Variants in RBFOX1 observed in about 807,000 individuals in gnomAD.
The protein encoded by RBFOX1 is RNA binding fox-1 homolog 1, also known as RNA binding protein fox-1 homolog 1.
Under a neutral mutation model 57.7 loss-of-function variants are expected in RBFOX1, and 8 were observed. The ratio of observed to expected loss-of-function variants is 0.14; its 90% CI spans 0.08 to 0.25. The LOEUF (loss-of-function observed/expected upper bound fraction) is 0.25. RBFOX1 is among the 10% of genes least tolerant of loss of function. The pLI, the probability that RBFOX1 is intolerant of heterozygous loss-of-function variation, is 1.00. For missense variants in RBFOX1, 611 were observed against 548.5 expected, an observed-to-expected ratio of 1.11 and a Z score of -1.14; for synonymous variants, 326 against 222.4, an observed-to-expected ratio of 1.47 and a Z score of -4.15.
intron 3 of RBFOX1, among the ~76,000 whole-genome samples, chr16:5,853,385 G>A (rs751983020): frequency 2.0e-5 from 3 of 152,268 alleles, no homozygotes; most frequent in Admixed American, 6.5e-5. Context: ...GAGCGTGTTG[G>A]AGTCCTGCCC....
At chr16:5,332,257 CTTTAT>C (rs146069773) in intron 1 of RBFOX1, among the ~76,000 whole-genome samples, 17 of 151,696 alleles carry the variant, frequency 1.1e-4, no homozygotes, top group East Asian at 5.9e-4. Flanking sequence ...TCAAAGGAAA[CTTTAT>C]TTTATTTTAT....
At chr16:7,539,861 A>C (rs953550787) in intron 5 of RBFOX1, among the ~76,000 whole-genome samples, 1 of 152,342 alleles carries the variant, frequency 6.6e-6, no homozygotes, top group African/African-American at 2.4e-5. Context: ...AGAGACAAAA[A>C]GATAACTCCG....
At chr16:5,682,267 G>A (rs1311584967) in intron 3 of RBFOX1, among the ~76,000 whole-genome samples, 1 of 152,162 alleles carries the variant, frequency 6.6e-6, no homozygotes, top group East Asian at 1.9e-4. Context: ...TTCCCATTGT[G>A]GGAGCACCAT....
chr16:6,825,687 G>T (rs1315270064), intron 3 of RBFOX1, among the ~76,000 whole-genome samples: 1 of 152,150 alleles, frequency 6.6e-6, no homozygotes, highest in Non-Finnish European at 1.5e-5. Context: ...GTAACACAAG[G>T]AAAGAACCTA....
At chr16:7,147,258 G>A (rs534815056) in intron 4 of RBFOX1, among the ~76,000 whole-genome samples, 3 of 151,306 alleles carry the variant, frequency 2.0e-5, no homozygotes, top group Non-Finnish European at 2.9e-5. Context: ...GCCCACCTCA[G>A]CCTCCCAAAG....
chr16:7,376,090 T>C (rs565795737), intron 4 of RBFOX1, among the ~76,000 whole-genome samples: 2 of 152,324 alleles, frequency 1.3e-5, no homozygotes, highest in African/African-American at 4.8e-5. Flanking sequence ...GGAGTGTACA[T>C]TTCTAAGGCA....
chr16:7,121,977 A>C (rs1283047090), intron 4 of RBFOX1, among the ~76,000 whole-genome samples: 2 of 152,050 alleles, frequency 1.3e-5, no homozygotes, highest in African/African-American at 4.8e-5. Flanking sequence ...ACATTTGCCA[A>C]ATCATATGCT....
intron 1 of RBFOX1, among the ~76,000 whole-genome samples, chr16:6,137,966 G>A (rs147644024): frequency 3.3e-5 from 5 of 152,096 alleles, no homozygotes; most frequent in Admixed American, 6.5e-5. Flanking sequence ...ACTAAACTGA[G>A]GTTCAGTTAT....
At chr16:6,513,736 A>AAAAC (rs371822908) in intron 2 of RBFOX1, among the ~76,000 whole-genome samples, 2 of 151,164 alleles carry the variant, frequency 1.3e-5, no homozygotes, top group South Asian at 2.1e-4. Context: ...CTTCGTCTCA[A>AAAAC]AAACAAACAA....
At chr16:6,504,389 G>C (rs1159284199) in intron 2 of RBFOX1, among the ~76,000 whole-genome samples, 2 of 152,182 alleles carry the variant, frequency 1.3e-5, no homozygotes, top group Non-Finnish European at 2.9e-5. Context: ...TAATGTGTTT[G>C]CTTTTCTGAT....
intron 4 of RBFOX1, among the ~76,000 whole-genome samples, chr16:7,175,327 G>T (rs4411516): frequency 0.18 from 26,688 of 151,842 alleles, 3,341 homozygotes; most frequent in East Asian, 0.42. Flanking sequence ...AACCTTCTTC[G>T]CCTGTGAAAT....
At chr16:6,477,082 T>C (rs1395106419) in intron 2 of RBFOX1, among the ~76,000 whole-genome samples, 1 of 152,234 alleles carries the variant, frequency 6.6e-6, no homozygotes, top group Non-Finnish European at 1.5e-5. Flanking sequence ...TTCCTCCACA[T>C]TTCCAGGTTC....
At chr16:6,801,701 A>T (rs1352220335) in intron 3 of RBFOX1, among the ~76,000 whole-genome samples, 2 of 152,110 alleles carry the variant, frequency 1.3e-5, no homozygotes, top group African/African-American at 4.8e-5. Flanking sequence ...TCTAATAATG[A>T]GGTGCAGATG....
chr16:7,567,220 T>TCC (rs1388665251), intron 5 of RBFOX1, among the ~76,000 whole-genome samples: 18 of 115,020 alleles, frequency 1.6e-4, no homozygotes, highest in African/African-American at 2.8e-4. Context: ...AATATCCATA[T>TCC]ATATATCCCT....
At chr16:6,872,846 C>G (rs1334077644) in intron 3 of RBFOX1, among the ~76,000 whole-genome samples, 1 of 152,086 alleles carries the variant, frequency 6.6e-6, no homozygotes, top group Middle Eastern at 3.2e-3. Context: ...AAAGAGTTAA[C>G]AGAATATAAC....
At chr16:6,517,036 T>G (rs894575927) in intron 2 of RBFOX1, among the ~76,000 whole-genome samples, 1 of 152,202 alleles carries the variant, frequency 6.6e-6, no homozygotes, top group South Asian at 2.1e-4. Context: ...ACATAATGAA[T>G]GTTCCTTTTA....
At chr16:6,421,406 A>C (rs544546334) in intron 2 of RBFOX1, among the ~76,000 whole-genome samples, 10 of 152,336 alleles carry the variant, frequency 6.6e-5, no homozygotes, top group African/African-American at 2.4e-4. Flanking sequence ...TCTGAGGACC[A>C]CGCGATTTTA....
intron 4 of RBFOX1, among the ~76,000 whole-genome samples, chr16:7,153,523 T>C (rs1445312185): frequency 6.6e-6 from 1 of 150,898 alleles, no homozygotes; most frequent in Non-Finnish European, 1.5e-5. Context: ...AATCACAAGG[T>C]CAAGAGATCG....
At chr16:6,455,396 G>A (rs551713591) in intron 2 of RBFOX1, among the ~76,000 whole-genome samples, 1 of 152,134 alleles carries the variant, frequency 6.6e-6, no homozygotes, top group Non-Finnish European at 1.5e-5. Flanking sequence ...CGTGGGAAAG[G>A]CTGCAGAGAG....
Sources: allele counts gnomAD v4.1 joint callset (sites outside exome capture counted in the v4.1 genomes callset), GRCh38; gene constraint gnomAD v4.1.1; transcripts MANE v1.5; gene names NCBI Gene and HGNC (gene_info 2026-07-23, HGNC 2026-07-21).